Variants in CDK6 observed in about 807,000 individuals in gnomAD.
CDK6 encodes the protein cyclin-dependent kinase 6.
Under a neutral mutation model 37.1 loss-of-function variants are expected in CDK6, and 6 were observed. The ratio of observed to expected loss-of-function variants is 0.16; its 90% CI spans 0.09 to 0.32. The LOEUF is 0.32. CDK6 is among the 10% of genes least tolerant of loss of function. CDK6 has a pLI of 1.00. For synonymous variants in CDK6, 160 were observed against 161.3 expected (o/e 0.99, Z 0.06); for missense variants, 224 against 418.9 (o/e 0.53, Z 4.06).
intron 2 of CDK6, among the ~76,000 whole-genome samples, chr7:92,817,489 G>C (rs562305916): frequency 6.9e-4 from 104 of 151,808 alleles, no homozygotes; most frequent in South Asian, 1.5e-3. Context: ...AGGAATATAA[G>C]GGAACTTCAT....
intron 4 of CDK6, among the ~76,000 whole-genome samples, chr7:92,685,661 A>C (rs1797434811): frequency 6.6e-6 from 1 of 152,220 alleles, no homozygotes; most frequent in Admixed American, 6.5e-5. Context: ...CTAAAAGTTA[A>C]AATGGAGTCA....
intron 2 of CDK6, among the ~76,000 whole-genome samples, chr7:92,823,443 TAAAAAAAAAAAA>T (rs34132527): frequency 3.3e-4 from 25 of 74,902 alleles, no homozygotes; most frequent in Admixed American, 7.7e-4. Flanking sequence ...TCTTAATATG[TAAAAAAAAAAAA>T]AAAAAAAAAA....
At chr7:92,679,178 T>A (rs1299016104) in intron 4 of CDK6, among the ~76,000 whole-genome samples, 2 of 152,220 alleles carry the variant, frequency 1.3e-5, no homozygotes, top group Non-Finnish European at 2.9e-5. Context: ...CCCTGGCTGA[T>A]ACATCCTGTT....
intron 5 of CDK6, among the ~76,000 whole-genome samples, chr7:92,646,828 C>T (rs1796462782): frequency 6.6e-6 from 1 of 152,116 alleles, no homozygotes; most frequent in Non-Finnish European, 1.5e-5. Context: ...AACATTAGAA[C>T]TACCAAAGGA....
intron 3 of CDK6, among the ~76,000 whole-genome samples, chr7:92,749,524 C>A (rs1353475903): frequency 6.6e-6 from 1 of 152,100 alleles, no homozygotes; most frequent in Non-Finnish European, 1.5e-5. Context: ...TGAGAAAAAA[C>A]AGATGCCAAT....
At chr7:92,754,637 T>C (rs1799268337) in intron 3 of CDK6, among the ~76,000 whole-genome samples, 1 of 152,232 alleles carries the variant, frequency 6.6e-6, no homozygotes, top group South Asian at 2.1e-4. Context: ...CAGGACTCTA[T>C]TTGGATAACA....
chr7:92,770,277 T>C (rs1326383316), intron 3 of CDK6, among the ~76,000 whole-genome samples: 1 of 150,202 alleles, frequency 6.7e-6, no homozygotes, highest in Non-Finnish European at 1.5e-5. Context: ...AATAATGTGA[T>C]GAAAACCCCA....
intron 4 of CDK6, among the ~76,000 whole-genome samples, chr7:92,698,664 C>T (rs1333098653): frequency 1.3e-5 from 2 of 152,146 alleles, no homozygotes; most frequent in Non-Finnish European, 2.9e-5. Context: ...GCCACCCTGT[C>T]GTCGGTGTAA....
chr7:92,681,490 G>T lies in CDK6; in HGVS notation c.538-9955C>A, dbSNP rs1246040366. On this transcript the variant is annotated intron_variant, in intron 4 of 7. Coordinates refer to ENST00000424848, the MANE Select transcript of CDK6 (RefSeq NM_001145306.2). ...CCCCCATTTTATCTATGTCTAAGCA[G>T]ATCTACCTACAAAAGGCCTAGACAG... Among the ~76,000 whole-genome samples the T allele has an allele frequency of 3.3e-5, 5 of 152,284 alleles. No individual in the cohort carries two copies. In the East Asian group the frequency reaches 9.6e-4, roughly 29 times the overall value.
chr7:92,703,192 G>A (rs1797895703), intron 4 of CDK6, among the ~76,000 whole-genome samples: 1 of 151,814 alleles, frequency 6.6e-6, no homozygotes, highest in Non-Finnish European at 1.5e-5. Flanking sequence ...TGGGTGAGGT[G>A]GAAGGTTAAT....
At chr7:92,636,280 G>A (rs773896574) in intron 5 of CDK6, among the ~76,000 whole-genome samples, 44 of 152,030 alleles carry the variant, frequency 2.9e-4, no homozygotes, top group Admixed American at 2.0e-4. Flanking sequence ...GGCTGGTTTC[G>A]AACTCCTGAG....
intron 4 of CDK6, among the ~76,000 whole-genome samples, chr7:92,679,748 T>G (rs1470220604): frequency 1.3e-5 from 2 of 151,688 alleles, no homozygotes; most frequent in Admixed American, 6.6e-5. Context: ...CGAGACAGAG[T>G]GTCACTCTAT....
chr7:92,669,986 C>T (rs148219157), intron 5 of CDK6, among the ~76,000 whole-genome samples: 10 of 152,290 alleles, frequency 6.6e-5, no homozygotes, highest in African/African-American at 2.4e-4. Context: ...GTTCAGGGAC[C>T]ATACTTTCAA....
intron 2 of CDK6, among the ~76,000 whole-genome samples, chr7:92,810,272 T>C (rs1800841343): frequency 6.6e-6 from 1 of 152,224 alleles, no homozygotes; most frequent in Non-Finnish European, 1.5e-5. Flanking sequence ...GTGCATTTAA[T>C]TTGCCAAGCA....
At chr7:92,700,328 A>G (rs1359632745) in intron 4 of CDK6, among the ~76,000 whole-genome samples, 1 of 152,222 alleles carries the variant, frequency 6.6e-6, no homozygotes, top group Non-Finnish European at 1.5e-5. Context: ...GAAATTGGAG[A>G]TGATCCTGAA....
intron 3 of CDK6, among the ~76,000 whole-genome samples, chr7:92,745,249 T>C (rs374621418): frequency 6.6e-6 from 1 of 152,234 alleles, no homozygotes; most frequent in African/African-American, 2.4e-5. Flanking sequence ...AAAATTAAAT[T>C]TGAAATGAAA....
chr7:92,666,600 C>T (rs1351385890), intron 5 of CDK6, among the ~76,000 whole-genome samples: 1 of 152,088 alleles, frequency 6.6e-6, no homozygotes. Context: ...ACGTTTTGGT[C>T]AACAATGAAT....
chr7:92,616,875 T>A (rs909861340), intron 7 of CDK6, among the ~76,000 whole-genome samples: 1 of 152,156 alleles, frequency 6.6e-6, no homozygotes, highest in African/African-American at 2.4e-5. Flanking sequence ...GAAGTCTTAA[T>A]ACATTTTGTC....
chr7:92,803,147 ATAGGC>A (rs1269459962), intron 2 of CDK6, among the ~76,000 whole-genome samples: 1 of 152,238 alleles, frequency 6.6e-6, no homozygotes, highest in Admixed American at 6.5e-5. Context: ...TTTTAAAGAA[ATAGGC>A]TATCTTGCAC....
Sources: gnomAD v4.1 joint callset for allele counts (sites outside exome capture counted in the v4.1 genomes callset) on GRCh38, gnomAD v4.1.1 for gene constraint, MANE v1.5 for transcripts, NCBI Gene and HGNC (gene_info 2026-07-23, HGNC 2026-07-21) for gene names.